The following BLTP3B variants were observed in gnomAD, a reference collection of about 807,000 sequenced individuals.
BLTP3B encodes the protein bridge-like lipid transfer protein family member 3B, also known as UHRF1 (ICBP90) binding protein 1-like.
chr12:100,097,491 T>C, the BLTP3B span: 1 of 1,611,266 alleles, frequency 6.2e-7, no homozygotes. Context: ...AATTTATTTC[T>C]TTAAAAGTCA....
At chr12:100,058,398 C>T in the BLTP3B span, 18 of 1,612,364 alleles carry the variant, frequency 1.1e-5, no homozygotes, top group South Asian at 6.6e-5. Flanking sequence ...AAAAGAAATG[C>T]CTTTTTGCAG....
the BLTP3B span, among the ~76,000 whole-genome samples, chr12:100,056,549 T>G: frequency 3.3e-4 from 50 of 152,100 alleles, no homozygotes; most frequent in African/African-American, 1.2e-3. Context: ...AAACAGAAAG[T>G]AATTCAGGCC....
At chr12:100,103,209 AG>A in the BLTP3B span, among the ~76,000 whole-genome samples, 1 of 152,184 alleles carries the variant, frequency 6.6e-6, no homozygotes, top group Non-Finnish European at 1.5e-5. Flanking sequence ...ATTAATAAGT[AG>A]GACTGAACTA....
the BLTP3B span, chr12:100,088,900 A>C: frequency 6.6e-7 from 1 of 1,524,272 alleles, no homozygotes; most frequent in South Asian, 1.3e-5. Flanking sequence ...GTTTGAAATA[A>C]GCAAGTTATT....
At chr12:100,041,821 G>A in the BLTP3B span, among the ~76,000 whole-genome samples, 1 of 152,060 alleles carries the variant, frequency 6.6e-6, no homozygotes, top group East Asian at 1.9e-4. Flanking sequence ...ATTCAGATTG[G>A]AAAGGAAGAA....
At chr12:100,076,991 A>T in the BLTP3B span, among the ~76,000 whole-genome samples, 1 of 152,182 alleles carries the variant, frequency 6.6e-6, no homozygotes, top group South Asian at 2.1e-4. Context: ...TTTCACTCAC[A>T]ACCATGTGGG....
At chr12:100,123,703 A>G in the BLTP3B span, among the ~76,000 whole-genome samples, 2 of 152,124 alleles carry the variant, frequency 1.3e-5, no homozygotes, top group East Asian at 3.9e-4. Context: ...AAAACCTAAA[A>G]TATTAATGGA....
At chr12:100,096,142 C>G in the BLTP3B span, among the ~76,000 whole-genome samples, 1,618 of 152,006 alleles carry the variant, frequency 0.011, 26 homozygotes, top group African/African-American at 0.036. Flanking sequence ...GTAATCCCAG[C>G]TACTTGGGAG....
At chr12:100,120,115 G>A in the BLTP3B span, among the ~76,000 whole-genome samples, 3 of 152,168 alleles carry the variant, frequency 2.0e-5, no homozygotes, top group Non-Finnish European at 4.4e-5. Flanking sequence ...GGTGCCTCAC[G>A]CCTGTAATCC....
chr12:100,052,853 G>A, the BLTP3B span, among the ~76,000 whole-genome samples: 3 of 145,516 alleles, frequency 2.1e-5, no homozygotes, highest in Non-Finnish European at 4.5e-5. Context: ...GAGTGCAGTG[G>A]TGCGATCTCT....
chr12:100,102,943 AT>A, the BLTP3B span: 1 of 888,528 alleles, frequency 1.1e-6, no homozygotes. Flanking sequence ...TTTCTCTTTC[AT>A]TTTTCTTTAG....
the BLTP3B span, chr12:100,097,263 T>C: frequency 8.2e-7 from 1 of 1,222,512 alleles, no homozygotes; most frequent in Non-Finnish European, 1.1e-6. Flanking sequence ...ACCTAAGACA[T>C]TGTTTAAAAT....
the BLTP3B span, among the ~76,000 whole-genome samples, chr12:100,081,485 G>T: frequency 6.6e-6 from 1 of 152,054 alleles, no homozygotes; most frequent in Non-Finnish European, 1.5e-5. Context: ...CGTGTCACTG[G>T]GGTTTGGTGT....
chr12:100,141,383 ATATATG>A, the BLTP3B span, among the ~76,000 whole-genome samples: 3 of 151,296 alleles, frequency 2.0e-5, no homozygotes, highest in Non-Finnish European at 4.4e-5. Context: ...TAGTACACAT[ATATATG>A]TATGTGTATA....
At chr12:100,122,432 T>C in the BLTP3B span, among the ~76,000 whole-genome samples, 1 of 152,224 alleles carries the variant, frequency 6.6e-6, no homozygotes, top group East Asian at 1.9e-4. Flanking sequence ...AGAGGTATTT[T>C]AGGATCAGTT....
chr12:100,085,167 A>T, the BLTP3B span, among the ~76,000 whole-genome samples: 1 of 152,148 alleles, frequency 6.6e-6, no homozygotes, highest in Admixed American at 6.6e-5. Context: ...TATAATCAGA[A>T]TCATTAGGCT....
the BLTP3B span, among the ~76,000 whole-genome samples, chr12:100,056,315 G>A: frequency 2.6e-4 from 40 of 152,230 alleles, 1 homozygote; most frequent in Middle Eastern, 3.4e-3. Context: ...CCAGCCTCCA[G>A]AACTGTGAGA....
At chr12:100,136,841 C>T in the BLTP3B span, among the ~76,000 whole-genome samples, 885 of 150,840 alleles carry the variant, frequency 5.9e-3, 6 homozygotes, top group African/African-American at 0.02. Flanking sequence ...GATGGAGTTT[C>T]GCTCTTGTTG....
At chr12:100,140,802 T>C in the BLTP3B span, among the ~76,000 whole-genome samples, 4 of 145,822 alleles carry the variant, frequency 2.7e-5, no homozygotes, top group African/African-American at 1.0e-4. Context: ...AATATATGGG[T>C]GTTTTCTATC....
Sources: allele counts gnomAD v4.1 joint callset (sites outside exome capture counted in the v4.1 genomes callset), GRCh38; gene constraint gnomAD v4.1.1; transcripts MANE v1.5; gene names NCBI Gene and HGNC (gene_info 2026-07-23, HGNC 2026-07-21).